The following CORIN variants were observed in gnomAD, a reference collection of about 807,000 sequenced individuals.
CORIN encodes the protein atrial natriuretic peptide-converting enzyme.
CORIN carries 117 observed loss-of-function variants against 125.3 expected under a neutral mutation model. The observed-to-expected ratio is 0.93, with a 90% CI of 0.80 to 1.09. CORIN has a LOEUF of 1.09. Ranked by LOEUF, CORIN falls within the 50% of genes least tolerant of loss-of-function variation. The probability of loss-of-function intolerance (pLI) is 0.00; values close to 1 mark genes in which losing one functional copy is unlikely to be tolerated. For missense variants in CORIN, 1,253 were observed against 1,306.7 expected, an observed-to-expected ratio of 0.96 and a Z score of 0.63; for synonymous variants, 450 against 466.4, an observed-to-expected ratio of 0.96 and a Z score of 0.45.
chr4:47,706,894 T>C lies in CORIN; in HGVS notation c.800-13811A>G, dbSNP rs1314934767. ...CTGCAGGCCGAAAGAGCCGTGGCCT[T>C]GGAAAGGGCCATAAGTTCCACCACA... On this transcript the variant is annotated intron_variant, in intron 5 of 21. Coordinates refer to ENST00000273857, the MANE Select transcript of CORIN (RefSeq NM_006587.4). 5 of 1,599,342 alleles carry C rather than the reference T, an allele frequency of 3.1e-6. No homozygotes were observed. The Admixed American group carries it at 8.3e-5, about 27-fold the overall frequency.
intron 19 of CORIN, among the ~76,000 whole-genome samples, chr4:47,623,091 T>TCTCTCTCTCTCTCTCTCTCTCC (rs1288307508): frequency 1.7e-5 from 2 of 119,368 alleles, no homozygotes; most frequent in African/African-American, 3.6e-5. Flanking sequence ...TCTCTCTCTC[T>TCTCTCTCTCTCTCTCTCTCTCC]CTCTCTATAT....
chr4:47,668,755 T>G (rs998481865), intron 10 of CORIN, among the ~76,000 whole-genome samples: 4 of 152,214 alleles, frequency 2.6e-5, no homozygotes, highest in African/African-American at 9.6e-5. Flanking sequence ...CACTTTTGAT[T>G]TGGGTTAAGA....
At chr4:47,807,406 G>C (rs1256372768) in intron 1 of CORIN, among the ~76,000 whole-genome samples, 3 of 152,136 alleles carry the variant, frequency 2.0e-5, no homozygotes, top group African/African-American at 7.2e-5. Context: ...CAGAAGTGAA[G>C]GCTGCCTAAT....
chr4:47,779,589 C>T (rs1390363183), intron 3 of CORIN, among the ~76,000 whole-genome samples: 1 of 152,014 alleles, frequency 6.6e-6, no homozygotes, highest in African/African-American at 2.4e-5. Context: ...GTGTTTGCCA[C>T]CATGCCTGGA....
chr4:47,642,476 G>T (rs1723273695), intron 15 of CORIN, among the ~76,000 whole-genome samples: 1 of 152,210 alleles, frequency 6.6e-6, no homozygotes, highest in South Asian at 2.1e-4. Context: ...TGGTATATGT[G>T]TTAATTCCTA....
At chr4:47,660,750 C>A (rs1365746002) in intron 12 of CORIN, among the ~76,000 whole-genome samples, 2 of 152,112 alleles carry the variant, frequency 1.3e-5, no homozygotes, top group African/African-American at 4.8e-5. Context: ...GGTACAACCA[C>A]TAGGGAGAAC....
intron 5 of CORIN, among the ~76,000 whole-genome samples, chr4:47,717,681 C>T (rs1232647010): frequency 6.6e-6 from 1 of 152,100 alleles, no homozygotes; most frequent in East Asian, 1.9e-4. Flanking sequence ...CCCCCTGCAT[C>T]AAATTTCTCA....
At chr4:47,823,308 T>G (rs564919974) in intron 1 of CORIN, among the ~76,000 whole-genome samples, 84 of 152,336 alleles carry the variant, frequency 5.5e-4, no homozygotes, top group African/African-American at 1.9e-3. Flanking sequence ...CCTTGCTTTT[T>G]GGAACAAGAT....
chr4:47,807,187 G>A, intron 1 of CORIN, 140 bp from the exon 2 acceptor site: 1 of 598,716 alleles, frequency 1.7e-6, no homozygotes, highest in Non-Finnish European at 2.9e-6. Flanking sequence ...AATGAGCTTA[G>A]TCAACAAATC....
At chr4:47,765,146 C>T (rs1431140184) in intron 3 of CORIN, among the ~76,000 whole-genome samples, 1 of 151,912 alleles carries the variant, frequency 6.6e-6, no homozygotes, top group South Asian at 2.1e-4. Context: ...CCCATCTCTA[C>T]TAAAAATACA....
chr4:47,758,538 C>A (rs1193454833), intron 4 of CORIN, among the ~76,000 whole-genome samples: 1 of 152,056 alleles, frequency 6.6e-6, no homozygotes, highest in East Asian at 1.9e-4. Flanking sequence ...ATTAAAAAAA[C>A]AAAGCTGGAG....
At chr4:47,794,977 G>A (rs1280034198) in intron 2 of CORIN, among the ~76,000 whole-genome samples, 1 of 152,108 alleles carries the variant, frequency 6.6e-6, no homozygotes, top group Non-Finnish European at 1.5e-5. Context: ...GATGGTATAA[G>A]ATAAGGGTCC....
Position 47,764,444 on chromosome 4 carries a change from C to A in CORIN, c.410-858G>T, listed in dbSNP as rs148213909. On this transcript the variant is annotated intron_variant, in intron 3 of 21. Coordinates refer to ENST00000273857, the MANE Select transcript of CORIN (RefSeq NM_006587.4). The stretch of plus-strand genomic sequence containing the variant: ...ATTCATATGATGGGATTTTAGGAAT[C>A]GACCACATTTTCTTTTTTATTCCTT... Among the ~76,000 whole-genome samples the A allele has an allele frequency of 1.8e-3, 273 of 152,274 alleles. 1 individual carries two copies. The highest frequency in any genetic ancestry group is 6.4e-3 in the African/African-American group (268 of 41,562).
chr4:47,611,504 G>A (rs923042647), intron 19 of CORIN, among the ~76,000 whole-genome samples: 3 of 152,178 alleles, frequency 2.0e-5, no homozygotes, highest in Admixed American at 2.0e-4. Flanking sequence ...TCAAGACAAT[G>A]GGGTTTTCTA....
intron 6 of CORIN, among the ~76,000 whole-genome samples, chr4:47,690,759 A>G (rs2109737580): frequency 6.6e-6 from 1 of 152,298 alleles, no homozygotes; most frequent in Middle Eastern, 3.4e-3. Context: ...CCAAGGCCTA[A>G]TTCAGACTTA....
At chr4:47,816,536 T>A (rs1358085053) in intron 1 of CORIN, among the ~76,000 whole-genome samples, 1 of 152,172 alleles carries the variant, frequency 6.6e-6, no homozygotes, top group Non-Finnish European at 1.5e-5. Flanking sequence ...GATATACAGC[T>A]TCACAGGTGA....
At chr4:47,749,132 C>A (rs1486416057) in intron 4 of CORIN, among the ~76,000 whole-genome samples, 1 of 151,162 alleles carries the variant, frequency 6.6e-6, no homozygotes. Flanking sequence ...AAAAAAAAAA[C>A]AGAATCTTTG....
intron 19 of CORIN, among the ~76,000 whole-genome samples, chr4:47,609,858 T>C (rs1721804881): frequency 6.6e-6 from 1 of 152,216 alleles, no homozygotes; most frequent in South Asian, 2.1e-4. Flanking sequence ...ATGTGGTATT[T>C]GATTTTCTGT....
Position 47,744,517 on chromosome 4 carries a change from C to T in CORIN, c.684G>A (p.Gly228=). 1 of 1,613,834 alleles carries T rather than the reference C, an allele frequency of 6.2e-7. No homozygotes were observed. Among genetic ancestry groups the T allele is most frequent in the South Asian group, 1.1e-5 (1 of 91,046 alleles). ...AATCCGGCCAGGAGTAATTCACCAT[C>T]CCCAGGACTGATTCACAGCCTTCTT... ...AAKEGCESVL[G]MVNYSWPDFL... The change falls in exon 5 of 22, where the codon GGG becomes GGA. Residue 228 remains glycine, a synonymous_variant. Transcript: ENST00000273857.
Sources: allele counts gnomAD v4.1 joint callset (sites outside exome capture counted in the v4.1 genomes callset), GRCh38; gene constraint gnomAD v4.1.1; transcripts MANE v1.5; gene names NCBI Gene and HGNC (gene_info 2026-07-23, HGNC 2026-07-21).